The following METTL8 variants were observed in gnomAD, a reference collection of about 807,000 sequenced individuals.
METTL8 encodes the protein tRNA N(3)-cytidine methyltransferase METTL8, mitochondrial.
A neutral mutation model predicts 48.7 loss-of-function variants in METTL8; 32 were observed. That is an observed-to-expected ratio of 0.66 (90% CI 0.50 to 0.88). The LOEUF (loss-of-function observed/expected upper bound fraction) is 0.88. Ranked by LOEUF, METTL8 falls within the 40% of genes least tolerant of loss-of-function variation. METTL8 has a pLI of 0.00. For synonymous variants in METTL8, 136 were observed against 157.1 expected, an observed-to-expected ratio of 0.87 and a Z score of 1.01; for missense variants, 464 against 474.4, an observed-to-expected ratio of 0.98 and a Z score of 0.20.
intron 2 of METTL8, among the ~76,000 whole-genome samples, chr2:171,371,451 G>C (rs1359672711): frequency 6.6e-6 from 1 of 152,110 alleles, no homozygotes; most frequent in Non-Finnish European, 1.5e-5. Flanking sequence ...CCGCCTCCCA[G>C]GTTCAAGTGA....
chr2:171,429,422 G>A (rs993920599), intron 1 of METTL8, among the ~76,000 whole-genome samples: 2 of 152,146 alleles, frequency 1.3e-5, no homozygotes, highest in African/African-American at 4.8e-5. Flanking sequence ...TCAACACAAG[G>A]GCAATATGGA....
chr2:171,360,419 T>G lies in METTL8; in HGVS notation c.235+3A>C, dbSNP rs778761562. The G allele has an allele frequency of 6.2e-7, 1 of 1,613,234 alleles. No homozygotes were observed. The highest frequency in any genetic ancestry group is 2.2e-5 in the East Asian group (1 of 44,870). On this transcript the variant is annotated splice_donor_region_variant and intron_variant, in intron 3 of 9. Coordinates refer to ENST00000375258, the MANE Select transcript of METTL8 (RefSeq NM_001321154.2). ...CTAGGAGCTACAGCACGCAGTTGAC[T>G]ACCTTGCTCTTCCAGAAGGACTCGC...
intron 3 of METTL8, among the ~76,000 whole-genome samples, chr2:171,339,894 G>GT (rs1441504944): frequency 6.6e-6 from 1 of 152,122 alleles, no homozygotes; most frequent in Non-Finnish European, 1.5e-5. Flanking sequence ...AAGCTGTGTG[G>GT]TTTTTTATTA....
chr2:171,419,404 A>G (rs1691656913), intron 1 of METTL8, among the ~76,000 whole-genome samples: 1 of 152,320 alleles, frequency 6.6e-6, no homozygotes, highest in South Asian at 2.1e-4. Flanking sequence ...ATTACCACAC[A>G]GATAACTCCA....
At chr2:171,360,546 T>G in intron 2 of METTL8, 33 bp from the exon 3 acceptor site, 6 of 1,581,082 alleles carry the variant, frequency 3.8e-6, no homozygotes, top group Non-Finnish European at 5.2e-6. Context: ...AAAATATGCT[T>G]TATCATTGAA....
chr2:171,387,534 A>T (rs80107088), intron 2 of METTL8, among the ~76,000 whole-genome samples: 3 of 148,644 alleles, frequency 2.0e-5, no homozygotes, highest in Non-Finnish European at 4.4e-5. Flanking sequence ...TGTCTTATTT[A>T]AAAAAAATTA....
chr2:171,348,633 CA>C (rs1455282518), intron 3 of METTL8, among the ~76,000 whole-genome samples: 3 of 152,082 alleles, frequency 2.0e-5, no homozygotes, highest in South Asian at 2.1e-4. Flanking sequence ...GGTCAGGGAT[CA>C]GGGGGAGTAC....
chr2:171,362,914 A>C (rs1685310862), intron 2 of METTL8, among the ~76,000 whole-genome samples: 2 of 152,332 alleles, frequency 1.3e-5, no homozygotes, highest in South Asian at 4.1e-4. Context: ...AAAGGCAACA[A>C]GTTATTTATT....
rs1242481965 is a variant in METTL8, at chr2:171,343,243, C to T, written c.236-3689G>A. On this transcript the variant is annotated intron_variant, in intron 3 of 9. Coordinates refer to ENST00000375258, the MANE Select transcript of METTL8 (RefSeq NM_001321154.2). ...TCACCTGAGGTCAGGAGCTCGAGAC[C>T]GGCCTGACCAACATGGAGAAACCCC... is the stretch of plus-strand genomic sequence containing the variant. Among the ~76,000 whole-genome samples the T allele has an allele frequency of 4.6e-5, 7 of 152,090 alleles. No individual in the cohort carries two copies. The East Asian group carries it at 5.8e-4, about 13-fold the overall frequency.
At chr2:171,417,903 C>G (rs1178082796) in intron 1 of METTL8, among the ~76,000 whole-genome samples, 1 of 151,708 alleles carries the variant, frequency 6.6e-6, no homozygotes, top group Non-Finnish European at 1.5e-5. Context: ...ATCTAATGTC[C>G]TTTTTCTGTT....
At chr2:171,356,597 A>G (rs1228460885) in intron 3 of METTL8, among the ~76,000 whole-genome samples, 10 of 151,946 alleles carry the variant, frequency 6.6e-5, no homozygotes, top group Admixed American at 5.9e-4. Flanking sequence ...GTAATTACCA[A>G]TCTATTCTCT....
intron 2 of METTL8, among the ~76,000 whole-genome samples, chr2:171,386,296 C>G (rs1475993856): frequency 6.6e-6 from 1 of 152,126 alleles, no homozygotes; most frequent in Non-Finnish European, 1.5e-5. Flanking sequence ...TGGCAAAGGG[C>G]CCATTTTATC....
chr2:171,370,062 T>C (rs980272433), intron 2 of METTL8, among the ~76,000 whole-genome samples: 18 of 142,834 alleles, frequency 1.3e-4, no homozygotes, highest in Non-Finnish European at 2.6e-4. Context: ...AGAGACTCCA[T>C]CTCAAAAAAA....
Position 171,424,336 on chromosome 2 carries a change from G to A in METTL8, c.-13+9547C>T, listed in dbSNP as rs143495691. 4.6e-5 allele frequency among the ~76,000 whole-genome samples: 7 copies of A among 152,270 alleles called. No individual in the cohort carries two copies. In the East Asian group the frequency reaches 1.4e-3, roughly 29 times the overall value. On this transcript the variant is annotated intron_variant, in intron 1 of 9. Transcript: ENST00000375258. ...ACTGCCTAGTGGAGATGTGAGAAGA[G>A]GGCCCCCATCCTCCAGACTCCAGAA...
At chr2:171,349,601 T>C (rs1488323563) in intron 3 of METTL8, among the ~76,000 whole-genome samples, 1 of 152,234 alleles carries the variant, frequency 6.6e-6, no homozygotes, top group African/African-American at 2.4e-5. Context: ...CTTTTGCCTA[T>C]TGTGAATAGT....
intron 3 of METTL8, among the ~76,000 whole-genome samples, chr2:171,348,775 G>C (rs373720816): frequency 2.6e-4 from 39 of 152,100 alleles, no homozygotes; most frequent in African/African-American, 9.2e-4. Flanking sequence ...TCATTGATGA[G>C]TTGTATAAAT....
chr2:171,336,345 T>C (rs1686097525), intron 5 of METTL8, among the ~76,000 whole-genome samples: 1 of 150,108 alleles, frequency 6.7e-6, no homozygotes, highest in African/African-American at 2.4e-5. Flanking sequence ...TTTGCCCGCC[T>C]TGGCCTCCCA....
At chr2:171,356,952 A>ATGTTTTTGTTTTTTTTTTTT in intron 3 of METTL8, among the ~76,000 whole-genome samples, 4 of 78,466 alleles carry the variant, frequency 5.1e-5, no homozygotes, top group Non-Finnish European at 7.2e-5. Context: ...CAAAGACAAT[A>ATGTTTTTGTTTTTTTTTTTT]TTTTTTTTTT....
At chr2:171,344,705 C>G (rs1257809815) in intron 3 of METTL8, among the ~76,000 whole-genome samples, 1 of 152,184 alleles carries the variant, frequency 6.6e-6, no homozygotes, top group East Asian at 1.9e-4. Context: ...AACAGAGAAG[C>G]AGCACCAGTG....
Sources: gnomAD v4.1 joint callset for allele counts (sites outside exome capture counted in the v4.1 genomes callset) on GRCh38, gnomAD v4.1.1 for gene constraint, MANE v1.5 for transcripts, NCBI Gene and HGNC (gene_info 2026-07-23, HGNC 2026-07-21) for gene names.